Variants in SAE1 observed in about 807,000 individuals in gnomAD.
SAE1 encodes SUMO1 activating enzyme subunit 1.
Under a neutral mutation model 40.6 loss-of-function variants are expected in SAE1, and 11 were observed. The observed-to-expected ratio is 0.27, with a 90% CI of 0.17 to 0.45. The LOEUF is 0.45. Among genes scored for constraint, SAE1 ranks in the 20% least tolerant of loss-of-function variants. The pLI, the probability that SAE1 is intolerant of heterozygous loss-of-function variation, is 1.00. For synonymous variants in SAE1, 155 were observed against 154.3 expected (o/e 1.00, Z -0.03); for missense variants, 373 against 427.3 (o/e 0.87, Z 1.12).
rs776654173 is a variant in SAE1, at chr19:47,143,560, C to G, written c.165C>G (p.Leu55=). Residue 55 remains leucine, a synonymous_variant, in exon 2 of 9, where the codon CTC becomes CTG. Coordinates refer to ENST00000270225, the MANE Select transcript of SAE1 (RefSeq NM_005500.3). The part of the protein sequence containing the change: ...KGLGAEIAKN[L]ILAGVKGLTM... ...TTGGGGCTGAAATTGCCAAGAATCT[C>G]ATCTTGGCAGGAGTGAAAGGACTGA... is the stretch of plus-strand genomic sequence containing the variant. The G allele has an allele frequency of 4.3e-6, 7 of 1,613,970 alleles. No individual in the cohort carries two copies. The highest frequency in any genetic ancestry group is 1.6e-4 in the Middle Eastern group (1 of 6,084).
At chr19:47,183,388 C>T (rs776160931) in intron 6 of SAE1, among the ~76,000 whole-genome samples, 4 of 152,168 alleles carry the variant, frequency 2.6e-5, no homozygotes, top group African/African-American at 4.8e-5. Context: ...AGAGCTGTCA[C>T]ACTGTCATCC....
chr19:47,167,383 GT>G (rs1253628513), intron 5 of SAE1, among the ~76,000 whole-genome samples: 75 of 152,038 alleles, frequency 4.9e-4, no homozygotes, highest in African/African-American at 1.8e-3. Context: ...GGGACTGCAG[GT>G]GCCTGCCACC....
intron 2 of SAE1, among the ~76,000 whole-genome samples, chr19:47,148,575 C>T (rs2058268021): frequency 6.6e-6 from 1 of 151,652 alleles, no homozygotes; most frequent in Admixed American, 6.6e-5. Flanking sequence ...TGAAATAATT[C>T]CTCTGTTCCA....
intron 8 of SAE1, 110 bp downstream of exon 8, chr19:47,203,850 A>C: frequency 1.0e-6 from 1 of 982,848 alleles, no homozygotes; most frequent in Non-Finnish European, 1.6e-6. Flanking sequence ...CACCCCATTC[A>C]TCTTTGTTTC....
intron 5 of SAE1, among the ~76,000 whole-genome samples, chr19:47,169,378 T>C (rs1002474070): frequency 1.3e-5 from 2 of 152,134 alleles, no homozygotes; most frequent in Non-Finnish European, 2.9e-5. Flanking sequence ...CCCAAGTATC[T>C]GGGACTACAG....
chr19:47,189,677 G>A (rs116476287), intron 6 of SAE1, among the ~76,000 whole-genome samples: 1 of 152,128 alleles, frequency 6.6e-6, no homozygotes, highest in East Asian at 1.9e-4. Context: ...CTTTGGGCCT[G>A]TCTCAGGTAA....
At chr19:47,164,192 G>A (rs557201084) in intron 5 of SAE1, among the ~76,000 whole-genome samples, 6 of 151,186 alleles carry the variant, frequency 4.0e-5, no homozygotes, top group South Asian at 4.2e-4. Flanking sequence ...TTTTTGAGAC[G>A]AAGTCTCGAT....
chr19:47,155,251 G>A (rs769182254), intron 5 of SAE1, 38 bp downstream of exon 5: 1 of 1,348,414 alleles, frequency 7.4e-7, no homozygotes, highest in Non-Finnish European at 1.1e-6. Flanking sequence ...GAAACCCTGG[G>A]GCCTTGGAGG....
intron 6 of SAE1, among the ~76,000 whole-genome samples, chr19:47,172,166 G>C (rs947508362): frequency 6.6e-6 from 1 of 152,162 alleles, no homozygotes; most frequent in Non-Finnish European, 1.5e-5. Flanking sequence ...TGATCCACCT[G>C]CCTCGGCCTC....
At chr19:47,142,488 C>T (rs959258268) in intron 1 of SAE1, 1 of 149,790 alleles carries the variant, frequency 6.7e-6, no homozygotes, top group Non-Finnish European at 1.5e-5. Flanking sequence ...CTCTTCTCAG[C>T]ACCTCTTCTG....
intron 6 of SAE1, among the ~76,000 whole-genome samples, chr19:47,190,479 C>G (rs565253048): frequency 6.6e-5 from 10 of 152,300 alleles, no homozygotes; most frequent in African/African-American, 9.6e-5. Context: ...TCCTGCCCCC[C>G]TCCACTGCTG....
At chr19:47,202,486 C>T (rs1317742441) in intron 7 of SAE1, among the ~76,000 whole-genome samples, 1 of 150,962 alleles carries the variant, frequency 6.6e-6, no homozygotes, top group Admixed American at 6.6e-5. Flanking sequence ...CGGGGTTTCA[C>T]CATGTGGGCC....
rs562236740 is a variant in SAE1 at position 47,171,712 on chromosome 19, C to T, written c.733+1789C>T. Reference sequence around the variant, plus strand: ...CTCCTGACCTCAGGTGATCTGCCCACCTCAGTCTCCCAAAGTGTTGGGATT... The same window carrying T: ...CTCCTGACCTCAGGTGATCTGCCCATCTCAGTCTCCCAAAGTGTTGGGATT... On this transcript the variant is annotated intron_variant, in intron 6 of 8. Coordinates refer to ENST00000270225, the MANE Select transcript of SAE1 (RefSeq NM_005500.3). Among the ~76,000 whole-genome samples, 12 of 152,168 alleles carry T rather than the reference C, an allele frequency of 7.9e-5. No individual in the cohort carries two copies. In the South Asian group the frequency reaches 1.2e-3, roughly 16 times the overall value.
chr19:47,181,525 C>T (rs1355796987), intron 6 of SAE1, among the ~76,000 whole-genome samples: 1 of 121,600 alleles, frequency 8.2e-6, no homozygotes, highest in Non-Finnish European at 1.6e-5. Flanking sequence ...GTCGCCCATG[C>T]TGGAGTGCAG....
At chr19:47,187,132 A>G (rs1422350557) in intron 6 of SAE1, among the ~76,000 whole-genome samples, 3 of 152,202 alleles carry the variant, frequency 2.0e-5, no homozygotes, top group Non-Finnish European at 4.4e-5. Flanking sequence ...AACAAAGGAA[A>G]GTAATGTGGA....
chr19:47,202,391 G>A (rs867145814), intron 7 of SAE1, among the ~76,000 whole-genome samples: 1 of 151,796 alleles, frequency 6.6e-6, no homozygotes, highest in Non-Finnish European at 1.5e-5. Context: ...AGGTTCAAGC[G>A]ATTCTCCTGC....
intron 6 of SAE1, chr19:47,180,350 A>C (rs1221663596): frequency 2.3e-6 from 1 of 441,886 alleles, no homozygotes; most frequent in Non-Finnish European, 4.6e-6. Flanking sequence ...GAAGTGCTCT[A>C]AGAATGATAG....
chr19:47,147,449 A>G (rs1222940756), intron 2 of SAE1, among the ~76,000 whole-genome samples: 1 of 150,796 alleles, frequency 6.6e-6, no homozygotes. Context: ...GCTCAATTAT[A>G]TGTTTTTTTT....
chr19:47,186,388 A>G (rs930923643), intron 6 of SAE1, among the ~76,000 whole-genome samples: 20 of 152,226 alleles, frequency 1.3e-4, no homozygotes, highest in Non-Finnish European at 1.6e-4. Flanking sequence ...GCTCCCTGAC[A>G]TCCTGTGTAA....
Sources: allele counts gnomAD v4.1 joint callset (sites outside exome capture counted in the v4.1 genomes callset), GRCh38; gene constraint gnomAD v4.1.1; transcripts MANE v1.5; gene names NCBI Gene and HGNC (gene_info 2026-07-23, HGNC 2026-07-21).